MET: variants seen among roughly 807,000 people sequenced by gnomAD.
MET encodes MET proto-oncogene, receptor tyrosine kinase, also known as hepatocyte growth factor receptor.
Under a neutral mutation model 133.1 loss-of-function variants are expected in MET, and 48 were observed. The ratio of observed to expected loss-of-function variants is 0.36; its 90% CI spans 0.29 to 0.46. The LOEUF is 0.46. MET is among the 20% of genes least tolerant of loss of function. The pLI is 1.00. For synonymous variants in MET, 628 were observed against 616.5 expected, an observed-to-expected ratio of 1.02 and a Z score of -0.28; for missense variants, 1,442 against 1,695.9, an observed-to-expected ratio of 0.85 and a Z score of 2.63.
At chr7:116,745,762 C>A (rs1793649506) in intron 5 of MET, among the ~76,000 whole-genome samples, 1 of 152,178 alleles carries the variant, frequency 6.6e-6, no homozygotes, top group South Asian at 2.1e-4. Context: ...TTCCTTACAC[C>A]TTATACAAAA....
chr7:116,697,341 A>G (rs1796999812), intron 1 of MET, among the ~76,000 whole-genome samples: 1 of 152,152 alleles, frequency 6.6e-6, no homozygotes, highest in African/African-American at 2.4e-5. Context: ...ATTATGGGAT[A>G]TAAAAATAGC....
intron 5 of MET, among the ~76,000 whole-genome samples, chr7:116,748,999 G>A (rs1246243243): frequency 6.6e-6 from 1 of 152,094 alleles, no homozygotes; most frequent in African/African-American, 2.4e-5. Context: ...GGACCAGACG[G>A]ATTCACAGCC....
intron 2 of MET, among the ~76,000 whole-genome samples, chr7:116,708,684 C>T (rs1402451619): frequency 6.6e-6 from 1 of 152,158 alleles, no homozygotes; most frequent in Non-Finnish European, 1.5e-5. Flanking sequence ...CACTGCCTTT[C>T]CTGGCCTGTC....
intron 2 of MET, among the ~76,000 whole-genome samples, chr7:116,711,909 C>T (rs1792016808): frequency 2.6e-5 from 4 of 152,146 alleles, no homozygotes. Context: ...GCAGCAGAAG[C>T]CCCTAATTTG....
At chr7:116,677,949 C>G (rs1796216222) in intron 1 of MET, among the ~76,000 whole-genome samples, 2 of 152,054 alleles carry the variant, frequency 1.3e-5, no homozygotes, top group African/African-American at 4.8e-5. Flanking sequence ...AGGATAAACT[C>G]CCCCTTTGGA....
intron 2 of MET, among the ~76,000 whole-genome samples, chr7:116,723,133 T>G (rs1792568839): frequency 1.5e-5 from 2 of 137,670 alleles, no homozygotes; most frequent in Non-Finnish European, 3.1e-5. Context: ...CAGACGTAGA[T>G]TTGGTCTTTT....
chr7:116,709,174 G>T (rs1209123853), intron 2 of MET, among the ~76,000 whole-genome samples: 1 of 152,132 alleles, frequency 6.6e-6, no homozygotes, highest in Non-Finnish European at 1.5e-5. Flanking sequence ...TATAGGCAAT[G>T]CCTTCATCTT....
chr7:116,724,739 C>T (rs754512854), intron 2 of MET: 542 of 1,054,408 alleles, frequency 5.1e-4, no homozygotes, highest in Non-Finnish European at 6.7e-4. Flanking sequence ...AAGAGAATTT[C>T]GAAATCAATT....
chr7:116,739,059 A>G (rs1220790097), intron 3 of MET, among the ~76,000 whole-genome samples: 1 of 152,212 alleles, frequency 6.6e-6, no homozygotes. Context: ...CTTCATGTAT[A>G]TGCAACCCAG....
At chr7:116,733,130 C>A (rs538165357) in intron 3 of MET, among the ~76,000 whole-genome samples, 1 of 152,114 alleles carries the variant, frequency 6.6e-6, no homozygotes, top group East Asian at 1.9e-4. Context: ...AAGCCCCGCC[C>A]CTCCCACAGA....
chr7:116,745,571 C>A (rs1317085466), intron 5 of MET, among the ~76,000 whole-genome samples: 1 of 152,100 alleles, frequency 6.6e-6, no homozygotes, highest in African/African-American at 2.4e-5. Flanking sequence ...GGTACTGGCA[C>A]CAAAACAGAG....
At chr7:116,788,629 A>C (rs1022617901) in intron 19 of MET, among the ~76,000 whole-genome samples, 4 of 152,270 alleles carry the variant, frequency 2.6e-5, no homozygotes, top group African/African-American at 9.6e-5. Context: ...TTTGTGCTAC[A>C]TAAAGGCTGA....
At chr7:116,788,266 C>T (rs75318810) in intron 19 of MET, among the ~76,000 whole-genome samples, 2 of 151,996 alleles carry the variant, frequency 1.3e-5, no homozygotes, top group Admixed American at 6.5e-5. Context: ...GATAGCTGCA[C>T]GTCTATATAA....
In MET at chr7:116,777,295, G is replaced by T. The variant is rs1291594245; in HGVS notation, c.3260-94G>T. On this transcript the variant is annotated intron_variant, in intron 15 of 20. Coordinates refer to ENST00000397752, the MANE Select transcript of MET (RefSeq NM_000245.4). ...GTACTCTTTTGCTGTATAGAAAGAA[G>T]AAAGAATAAAATGAAGCTCATAAAG... 3 of 1,072,474 alleles carry T rather than the reference G, an allele frequency of 2.8e-6. No individual in the cohort carries two copies. In the African/African-American group the frequency reaches 4.7e-5, roughly 17 times the overall value. 66.4% of individuals were successfully genotyped at this position (1,072,474 alleles called of 1,614,324 possible).
At chr7:116,758,680 A>G (rs1237410192) in intron 9 of MET, 60 bp downstream of exon 9, 77 of 1,543,260 alleles carry the variant, frequency 5.0e-5, no homozygotes, top group Non-Finnish European at 6.5e-5. Context: ...ATTTTGCTGT[A>G]GAATAGTCAA....
In MET at chr7:116,690,615, T is replaced by C. The variant is rs78247334; in HGVS notation, c.-14-8456T>C. On this transcript the variant is annotated intron_variant, in intron 1 of 20. Transcript: ENST00000397752. ...TCTTTTTAAAGTAAATGTAGGTGCT[T>C]TTGATGATCATAACACTAACTGTTA... Among the ~76,000 whole-genome samples, 1,031 of 152,358 alleles carry C rather than the reference T, an allele frequency of 6.8e-3. 4 individuals carry two copies. The highest frequency in any genetic ancestry group is 0.012 in the Non-Finnish European group (806 of 68,030).
intron 5 of MET, among the ~76,000 whole-genome samples, chr7:116,754,916 A>AAAGG (rs1491477387): frequency 1.0e-4 from 15 of 145,618 alleles, no homozygotes; most frequent in African/African-American, 3.8e-4. Context: ...AGAAAGAAAG[A>AAAGG]AAGAAAGAAA....
chr7:116,674,018 C>A (rs1262897461), intron 1 of MET, among the ~76,000 whole-genome samples: 1 of 152,148 alleles, frequency 6.6e-6, no homozygotes, highest in East Asian at 1.9e-4. Flanking sequence ...AAATGTACTG[C>A]TGTTTTAAAA....
chr7:116,764,528 A>G (rs1202114321), intron 11 of MET, among the ~76,000 whole-genome samples: 1 of 152,042 alleles, frequency 6.6e-6, no homozygotes, highest in Non-Finnish European at 1.5e-5. Context: ...CAGAAACTCT[A>G]TTTTTCTGTT....
Sources: gnomAD v4.1 joint callset for allele counts (sites outside exome capture counted in the v4.1 genomes callset) on GRCh38, gnomAD v4.1.1 for gene constraint, MANE v1.5 for transcripts, NCBI Gene and HGNC (gene_info 2026-07-23, HGNC 2026-07-21) for gene names.